The following PCNX1 variants were observed in gnomAD, a reference collection of about 807,000 sequenced individuals.
PCNX1 encodes pecanex 1.
PCNX1 carries 78 observed loss-of-function variants against 242.2 expected under a neutral mutation model. The ratio of observed to expected loss-of-function variants is 0.32; its 90% CI spans 0.27 to 0.39. PCNX1 has a LOEUF of 0.39. Among genes scored for constraint, PCNX1 ranks in the 10% least tolerant of loss-of-function variants. The pLI is 1.00. For synonymous variants in PCNX1, 1,024 were observed against 1,032.9 expected (o/e 0.99, Z 0.17); for missense variants, 2,581 against 2,856.5 (o/e 0.90, Z 2.20).
At chr14:70,994,509 GAAAC>G (rs1471547305) in intron 7 of PCNX1, among the ~76,000 whole-genome samples, 1 of 148,854 alleles carries the variant, frequency 6.7e-6, no homozygotes, top group Non-Finnish European at 1.5e-5. Flanking sequence ...GTGTACTAGA[GAAAC>G]AATTACATTG....
intron 5 of PCNX1, among the ~76,000 whole-genome samples, chr14:70,971,960 A>G (rs2058554582): frequency 1.3e-5 from 2 of 152,152 alleles, no homozygotes; most frequent in South Asian, 4.1e-4. Flanking sequence ...AAAGGGTTGT[A>G]TTTCATTTCA....
At chr14:71,028,218 GTTGTTA>G (rs1296749793) in intron 15 of PCNX1, among the ~76,000 whole-genome samples, 2 of 131,986 alleles carry the variant, frequency 1.5e-5, no homozygotes, top group Non-Finnish European at 3.4e-5. Context: ...CTATTTTGTT[GTTGTTA>G]TTGTTAGCAA....
chr14:70,922,819 G>A (rs560119911), intron 1 of PCNX1, among the ~76,000 whole-genome samples: 19 of 146,744 alleles, frequency 1.3e-4, no homozygotes, highest in African/African-American at 4.0e-4. Flanking sequence ...GAACACTTAC[G>A]TATATAAGAC....
At chr14:71,011,651 A>G in intron 10 of PCNX1, 102 bp downstream of exon 10, 1 of 748,404 alleles carries the variant, frequency 1.3e-6, no homozygotes. Context: ...TGATGAAGTT[A>G]CACAAAAATT....
In PCNX1 at chr14:71,013,182, A is replaced by G. The variant is rs1455401299; in HGVS notation, c.2976A>G (p.Thr992=). Residue 992 remains threonine (T), a synonymous_variant, in exon 11 of 36, where the codon ACA becomes ACG. Transcript: ENST00000304743. ...LWIGINFDRL[T]LLALFDRNRE... The stretch of plus-strand genomic sequence containing the variant: ...TTGGCATTAACTTTGACAGACTCAC[A>G]CTTTTGGCCCTGTTTGATAGGTGAG... 1 of 1,613,564 alleles carries G rather than the reference A, an allele frequency of 6.2e-7. No individual in the cohort carries two copies. Among genetic ancestry groups the G allele is most frequent in the Non-Finnish European group, 8.5e-7 (1 of 1,179,594 alleles).
rs796585932 is a variant in PCNX1 at position 71,111,013 on chromosome 14, C to T, written c.*1078C>T. The T allele has an allele frequency of 3.3e-5, 5 of 151,138 alleles. No homozygotes were observed. Among genetic ancestry groups the T allele is most frequent in the African/African-American group, 1.2e-4 (5 of 41,492 alleles). The allele number at this position is 151,138 out of a possible 1,614,324, so 9.4% of individuals were successfully genotyped here. A position where few individuals can be genotyped will look rare whatever the true frequency, so the allele number is the denominator to read the frequency against. ...AAAATTTTTTTTCAAATAAAAGTAT[C>T]CAAGTGGTGCAGTTATTATTATATC... is the stretch of plus-strand genomic sequence containing the variant. On this transcript the variant is annotated 3_prime_UTR_variant, in exon 36 of 36. Transcript: ENST00000304743.
At chr14:71,018,571 A>T (rs1595259956) in intron 11 of PCNX1, among the ~76,000 whole-genome samples, 1 of 152,178 alleles carries the variant, frequency 6.6e-6, no homozygotes, top group East Asian at 1.9e-4. Flanking sequence ...GAATTTTGTT[A>T]CTATTTTGCC....
At chr14:70,961,498 C>T (rs971468112) in intron 2 of PCNX1, among the ~76,000 whole-genome samples, 1 of 152,210 alleles carries the variant, frequency 6.6e-6, no homozygotes, top group Non-Finnish European at 1.5e-5. Context: ...TTCCTTACAC[C>T]TTATACAAAA....
intron 7 of PCNX1, among the ~76,000 whole-genome samples, chr14:70,990,661 C>T (rs939448037): frequency 1.3e-5 from 2 of 151,860 alleles, no homozygotes; most frequent in Non-Finnish European, 2.9e-5. Context: ...TTAATTAAAC[C>T]AATATTTAAA....
At chr14:70,911,366 T>C (rs1429614356) in intron 1 of PCNX1, among the ~76,000 whole-genome samples, 1 of 152,150 alleles carries the variant, frequency 6.6e-6, no homozygotes, top group East Asian at 1.9e-4. Flanking sequence ...TCAAACACTT[T>C]TGGTGTTTAT....
intron 3 of PCNX1, among the ~76,000 whole-genome samples, chr14:70,964,502 A>G (rs963204035): frequency 6.6e-6 from 1 of 152,190 alleles, no homozygotes; most frequent in African/African-American, 2.4e-5. Flanking sequence ...ATTCTTGAAT[A>G]TGGCTGCATG....
intron 2 of PCNX1, among the ~76,000 whole-genome samples, chr14:70,956,412 C>T (rs1261817003): frequency 2.0e-5 from 3 of 151,816 alleles, no homozygotes; most frequent in Non-Finnish European, 2.9e-5. Context: ...AAAAATTAGC[C>T]GGGTGTGGTG....
rs141361033 is a variant in PCNX1, at chr14:71,054,375, G to A, written c.4578-1129G>A. 4.5e-4 allele frequency among the ~76,000 whole-genome samples: 69 copies of A among 152,256 alleles called. No homozygotes were observed. In the East Asian group the frequency reaches 0.013, roughly 28 times the overall value. ...AAATGTTGATACATTTTATTATGTA[G>A]TGAATTTTAAAATATGTTCATTGGC... On this transcript the variant is annotated intron_variant, in intron 24 of 35. Transcript: ENST00000304743.
intron 11 of PCNX1, among the ~76,000 whole-genome samples, chr14:71,018,663 C>T (rs1299300771): frequency 2.0e-5 from 3 of 152,022 alleles, no homozygotes; most frequent in Non-Finnish European, 2.9e-5. Context: ...TCTTTGTATA[C>T]ATATTTTATT....
intron 27 of PCNX1, among the ~76,000 whole-genome samples, 160 bp from the exon 28 acceptor site, chr14:71,076,029 T>C (rs2061709655): frequency 6.6e-6 from 1 of 152,106 alleles, no homozygotes; most frequent in Non-Finnish European, 1.5e-5. Context: ...AAAATATATA[T>C]GTAGAATATT....
intron 5 of PCNX1, among the ~76,000 whole-genome samples, chr14:70,970,218 T>C (rs1199162848): frequency 6.6e-6 from 1 of 151,488 alleles, no homozygotes; most frequent in Non-Finnish European, 1.5e-5. Flanking sequence ...AAAAAAAATT[T>C]ACCCGGGCAT....
At chr14:70,946,638 G>T (rs2057467234) in intron 1 of PCNX1, among the ~76,000 whole-genome samples, 1 of 152,168 alleles carries the variant, frequency 6.6e-6, no homozygotes, top group Admixed American at 6.5e-5. Context: ...TTAAAATTGA[G>T]ATATTTTACA....
intron 30 of PCNX1, among the ~76,000 whole-genome samples, chr14:71,101,752 A>G (rs1158789514): frequency 2.0e-5 from 3 of 152,214 alleles, no homozygotes; most frequent in Non-Finnish European, 4.4e-5. Context: ...AATGATGTTT[A>G]TTCATCTAGA....
In PCNX1 at chr14:71,115,091, C is replaced by T. The variant is rs2062832184; in HGVS notation, c.*5156C>T. 6.6e-6 allele frequency: 1 copy of T among 152,452 alleles called. No individual in the cohort carries two copies. The highest frequency in any genetic ancestry group is 2.4e-5 in the African/African-American group (1 of 41,370). 9.4% of individuals were successfully genotyped at this position (152,452 alleles called of 1,614,324 possible). A position where few individuals can be genotyped will look rare whatever the true frequency, so the allele number is the denominator to read the frequency against. ...GGAAGGAGGAATATTGAAAATGATT[C>T]TAGGAAAGTGAACGTAAGAAAGGAA... On this transcript the variant is annotated 3_prime_UTR_variant, in exon 36 of 36. Coordinates refer to ENST00000304743, the MANE Select transcript of PCNX1 (RefSeq NM_014982.3).
Sources: allele counts gnomAD v4.1 joint callset (sites outside exome capture counted in the v4.1 genomes callset), GRCh38; gene constraint gnomAD v4.1.1; transcripts MANE v1.5; gene names NCBI Gene and HGNC (gene_info 2026-07-23, HGNC 2026-07-21).